The following TBC1D32 variants were observed in gnomAD, a reference collection of about 807,000 sequenced individuals.
TBC1D32 encodes protein broad-minded.
In TBC1D32, 151 loss-of-function variants were observed where a neutral mutation model predicts 170.3. The observed-to-expected ratio is 0.89, with a 90% CI of 0.78 to 1.01. The LOEUF (loss-of-function observed/expected upper bound fraction) is 1.01, where lower values mean the gene tolerates loss of function less well. Among genes scored for constraint, TBC1D32 ranks in the 50% least tolerant of loss-of-function variants. The pLI, the probability that TBC1D32 is intolerant of heterozygous loss-of-function variation, is 0.00. For missense variants in TBC1D32, 1,464 were observed against 1,457.1 expected (o/e 1.00, Z -0.08); for synonymous variants, 498 against 488.0 (o/e 1.02, Z -0.27).
At chr6:121,155,059 G>C (rs929303374) in intron 24 of TBC1D32, among the ~76,000 whole-genome samples, 10 of 152,120 alleles carry the variant, frequency 6.6e-5, no homozygotes, top group African/African-American at 2.2e-4. Flanking sequence ...TATTTTAATA[G>C]GGATAGCACT....
chr6:121,309,942 G>A lies in TBC1D32; in HGVS notation c.564+837C>T, dbSNP rs190524440. The stretch of plus-strand genomic sequence containing the variant: ...ACAGCTACTTAGAAGGCTGAGGTGG[G>A]AAAATCACCTGAGCCTGGGGAGGTA... On this transcript the variant is annotated intron_variant, in intron 4 of 31. Transcript: ENST00000398212. Among the ~76,000 whole-genome samples the A allele has an allele frequency of 5.2e-3, 796 of 152,154 alleles. 10 individuals are homozygous for A. The highest frequency in any genetic ancestry group is 0.017 in the African/African-American group (689 of 41,518).
intron 24 of TBC1D32, among the ~76,000 whole-genome samples, chr6:121,153,550 G>A (rs1404953350): frequency 6.6e-6 from 1 of 152,132 alleles, no homozygotes; most frequent in Non-Finnish European, 1.5e-5. Context: ...TCTCTTCAGA[G>A]CCAGCAAGCA....
intron 9 of TBC1D32, among the ~76,000 whole-genome samples, chr6:121,300,894 C>A (rs1375972533): frequency 1.3e-5 from 2 of 152,182 alleles, no homozygotes; most frequent in South Asian, 2.1e-4. Flanking sequence ...TGAACAGACA[C>A]TTCTCAAAAG....
At chr6:121,193,565 G>C (rs1235991631) in intron 22 of TBC1D32, among the ~76,000 whole-genome samples, 1 of 152,180 alleles carries the variant, frequency 6.6e-6, no homozygotes, top group African/African-American at 2.4e-5. Flanking sequence ...AAGAATAATT[G>C]GATCCCTATG....
At chr6:121,268,269 T>C (rs1386233980) in intron 15 of TBC1D32, among the ~76,000 whole-genome samples, 5 of 152,010 alleles carry the variant, frequency 3.3e-5, no homozygotes, top group Non-Finnish European at 7.4e-5. Context: ...CATTGATGAG[T>C]TGAGAGAAGA....
intron 20 of TBC1D32, among the ~76,000 whole-genome samples, chr6:121,238,144 C>T (rs1273715955): frequency 6.6e-6 from 1 of 152,032 alleles, no homozygotes; most frequent in Non-Finnish European, 1.5e-5. Context: ...GGTCTATTTT[C>T]CAGGGACCTC....
At chr6:121,112,358 A>C (rs1779276590) in intron 29 of TBC1D32, 147 bp downstream of exon 29, 1 of 649,056 alleles carries the variant, frequency 1.5e-6, no homozygotes, top group Non-Finnish European at 2.3e-6. Context: ...CTATATAATC[A>C]AAGAGAATTA....
At chr6:121,162,952 A>C (rs1352743693) in intron 22 of TBC1D32, 1 of 104,704 alleles carries the variant, frequency 9.6e-6, no homozygotes, top group Non-Finnish European at 2.0e-5. Flanking sequence ...GAGTCAAAGA[A>C]AGGGGTGACG....
At chr6:121,214,905 C>T (rs1666626723) in intron 21 of TBC1D32, among the ~76,000 whole-genome samples, 1 of 152,276 alleles carries the variant, frequency 6.6e-6, no homozygotes, top group South Asian at 2.1e-4. Flanking sequence ...TACTGAGCAA[C>T]AATACAGCTC....
chr6:121,331,936 CAA>C (rs1811275587), intron 1 of TBC1D32, among the ~76,000 whole-genome samples: 1 of 152,150 alleles, frequency 6.6e-6, no homozygotes, highest in Admixed American at 6.5e-5. Context: ...GATTCTATGT[CAA>C]GTCTTACCTT....
chr6:121,140,554 A>G (rs1782662648), intron 24 of TBC1D32, among the ~76,000 whole-genome samples: 1 of 152,084 alleles, frequency 6.6e-6, no homozygotes, highest in South Asian at 2.1e-4. Context: ...GAAAAAGAAT[A>G]TTTTACCAGG....
intron 15 of TBC1D32, among the ~76,000 whole-genome samples, chr6:121,273,503 G>A (rs1373017682): frequency 6.6e-6 from 1 of 150,702 alleles, no homozygotes; most frequent in East Asian, 2.0e-4. Context: ...GGTTGGGGGG[G>A]TTAGGGATAG....
chr6:121,094,739 A>G (rs991837939), intron 30 of TBC1D32, among the ~76,000 whole-genome samples: 1 of 152,080 alleles, frequency 6.6e-6, no homozygotes, highest in African/African-American at 2.4e-5. Flanking sequence ...TGTTTCCTCC[A>G]ACTGCATAAT....
rs762288375 is a variant in TBC1D32, at chr6:121,281,603, T to A, written c.1549A>T (p.Asn517Tyr). The change falls in exon 14 of 32, where the codon AAC (asparagine) becomes TAC (tyrosine). Residue 517 changes from asparagine (N) to tyrosine (Y), a missense_variant. Asn to Tyr is a moderately radical substitution (Grantham distance 143). This residue lies in a region of TBC1D32 where 1,363 missense variants were observed against 1,338.1 expected (regional missense o/e 1.02). Transcript: ENST00000398212. ...QKECAVECLYNNIVIETLLQP... is the reference protein window; with the variant it reads ...QKECAVECLYYNIVIETLLQP... ...AGAAGTGTCTCTATTACAATGTTGT[T>A]ATATAAGCATTCCACTGCACATTCT... 1.6e-5 allele frequency: 26 copies of A among 1,607,512 alleles called. No individual in the cohort carries two copies. Among genetic ancestry groups the A allele is most frequent in the Non-Finnish European group, 2.1e-5 (25 of 1,175,834 alleles).
At chr6:121,088,273 TAA>T (rs1776455845) in intron 31 of TBC1D32, among the ~76,000 whole-genome samples, 1 of 152,088 alleles carries the variant, frequency 6.6e-6, no homozygotes, top group African/African-American at 2.4e-5. Flanking sequence ...GAATTATTGA[TAA>T]GTCTTTTTTC....
At chr6:121,253,646 G>A (rs949958593) in intron 17 of TBC1D32, among the ~76,000 whole-genome samples, 5 of 152,016 alleles carry the variant, frequency 3.3e-5, no homozygotes, top group African/African-American at 9.7e-5. Context: ...GTCAATCTGG[G>A]AGGCGGAGCT....
At chr6:121,114,910 T>C (rs979979207) in intron 27 of TBC1D32, among the ~76,000 whole-genome samples, 7 of 152,322 alleles carry the variant, frequency 4.6e-5, no homozygotes, top group Admixed American at 3.9e-4. Flanking sequence ...AATGTTATTT[T>C]TGTAAAAAAC....
In TBC1D32 at chr6:121,126,303, T is replaced by C. The variant is rs534218906; in HGVS notation, c.2983+75A>G. 8.1e-6 allele frequency: 9 copies of C among 1,113,096 alleles called. 1 individual carries two copies. In the African/African-American group the frequency reaches 1.3e-4, roughly 15 times the overall value. The allele number at this position is 1,113,096 out of a possible 1,614,324, so 69.0% of individuals were successfully genotyped here. The stretch of plus-strand genomic sequence containing the variant: ...GGATGAGAAAACTGCCTATCTGTAA[T>C]ATCATTACACATCTCCATTAATTAT... On this transcript the variant is annotated intron_variant, in intron 26 of 31. Coordinates refer to ENST00000398212, the MANE Select transcript of TBC1D32 (RefSeq NM_152730.6).
At chr6:121,204,400 A>C (rs1791966006) in intron 22 of TBC1D32, among the ~76,000 whole-genome samples, 1 of 151,236 alleles carries the variant, frequency 6.6e-6, no homozygotes, top group Non-Finnish European at 1.5e-5. Context: ...CTCAAGTCTA[A>C]AAAAGTTACT....
Sources: allele counts gnomAD v4.1 joint callset (sites outside exome capture counted in the v4.1 genomes callset), GRCh38; gene constraint gnomAD v4.1.1; regional missense constraint gnomAD v4.1.1; transcripts MANE v1.5; gene names NCBI Gene and HGNC (gene_info 2026-07-23, HGNC 2026-07-21).